The following CDKN2B-AS1 variants were observed in gnomAD, a reference collection of about 807,000 sequenced individuals.
CDKN2B-AS1 encodes the protein CDKN2B and CDKN2A antisense cis and trans regulatory RNA 1.
chr9:22,100,794 A>T (rs1274390924), intron 4 of CDKN2B-AS1, among the ~76,000 whole-genome samples: 1 of 152,200 alleles, frequency 6.6e-6, no homozygotes, highest in Non-Finnish European at 1.5e-5. Flanking sequence ...CCACTTCTCC[A>T]CATCTTTGCT....
At chr9:22,082,755 G>T (rs1824740702) in intron 4 of CDKN2B-AS1, among the ~76,000 whole-genome samples, 1 of 152,200 alleles carries the variant, frequency 6.6e-6, no homozygotes, top group Non-Finnish European at 1.5e-5. Flanking sequence ...CATGTAGAGT[G>T]AGGATACCCG....
chr9:22,004,854 TAAAGG>T (rs1473617229), intron 1 of CDKN2B-AS1: 3 of 233,120 alleles, frequency 1.3e-5, no homozygotes, highest in African/African-American at 6.6e-5. Flanking sequence ...AGACACTCTA[TAAAGG>T]AAACAATCAG....
chr9:22,004,408 C>T (rs1470396867), intron 1 of CDKN2B-AS1: 1 of 231,958 alleles, frequency 4.3e-6, no homozygotes, highest in Non-Finnish European at 8.5e-6. Flanking sequence ...TTTTCTATGG[C>T]ATAAGTAAGC....
chr9:22,006,306 C>T lies in CDKN2B-AS1; in HGVS notation n.29+11145C>T, dbSNP rs2131182455. 1 of 1,596,198 alleles carries T rather than the reference C, an allele frequency of 6.3e-7. No individual in the cohort carries two copies. Among genetic ancestry groups the T allele is most frequent in the African/African-American group, 1.3e-5 (1 of 74,970 alleles). ...TGGGGGCAGGTATGGGAGATGCCGG[C>T]CGGGGCAAGGCAGGTGGAGCCATTT... On this transcript the variant is annotated intron_variant and non_coding_transcript_variant, in intron 1 of 4. Transcript: ENST00000650946. This position sits in a 1 kb window ranked among gnomAD's most constrained non-coding sequence, Gnocchi z 6.4.
At chr9:22,126,635 C>G (rs1447604481) in intron 4 of CDKN2B-AS1, among the ~76,000 whole-genome samples, 1 of 140,506 alleles carries the variant, frequency 7.1e-6, no homozygotes, top group African/African-American at 2.8e-5. Flanking sequence ...TGCAGTGGCG[C>G]TATCTCGGCT....
chr9:22,019,904 G>A (rs1315960528), intron 1 of CDKN2B-AS1, among the ~76,000 whole-genome samples: 3 of 152,136 alleles, frequency 2.0e-5, no homozygotes, highest in Non-Finnish European at 2.9e-5. Flanking sequence ...TACATGTGCA[G>A]GTTTGTTACA....
chr9:22,117,933 C>T (rs553931875), intron 4 of CDKN2B-AS1: 19 of 152,336 alleles, frequency 1.2e-4, no homozygotes, highest in African/African-American at 4.3e-4. Context: ...ATTAGTTCCT[C>T]CTGCCAATCT....
At chr9:22,098,319 A>G (rs1027496029) in intron 4 of CDKN2B-AS1, among the ~76,000 whole-genome samples, 3 of 151,696 alleles carry the variant, frequency 2.0e-5, no homozygotes, top group Non-Finnish European at 4.4e-5. Context: ...GGGGACTATA[A>G]TATATCTTTA....
At chr9:22,030,203 T>C (rs1227472178) in intron 1 of CDKN2B-AS1, 15 of 152,204 alleles carry the variant, frequency 9.9e-5, no homozygotes, top group Admixed American at 8.5e-4. Flanking sequence ...ACATAGACAA[T>C]ACACTTCCTC....
chr9:22,123,271 G>C (rs1175296023), intron 4 of CDKN2B-AS1, among the ~76,000 whole-genome samples: 1 of 152,086 alleles, frequency 6.6e-6, no homozygotes, highest in African/African-American at 2.4e-5. Context: ...AGATTTTTCT[G>C]TATATAAAAT....
chr9:22,069,414 A>G (rs1824196786), intron 4 of CDKN2B-AS1, among the ~76,000 whole-genome samples: 1 of 152,196 alleles, frequency 6.6e-6, no homozygotes, highest in Non-Finnish European at 1.5e-5. Context: ...AACCAACTCT[A>G]TTAAAAGTAT....
Position 22,001,476 on chromosome 9 carries a change from T to G in CDKN2B-AS1, n.29+6315T>G, listed in dbSNP as rs1820916441. On this transcript the variant is annotated intron_variant and non_coding_transcript_variant, in intron 1 of 4. Transcript: ENST00000650946. This position sits in a 1 kb window ranked among gnomAD's most constrained non-coding sequence, Gnocchi z 4.2. ...TCCAGCAAACTCTTTTGTTTTACAT[T>G]TAGTTCACACCACAAATTAGTAAGT... is the stretch of plus-strand genomic sequence containing the variant. Among the ~76,000 whole-genome samples the G allele has an allele frequency of 6.6e-6, 1 of 152,180 alleles. No homozygotes were observed. Among genetic ancestry groups the G allele is most frequent in the Non-Finnish European group, 1.5e-5 (1 of 67,996 alleles).
Position 22,095,474 on chromosome 9 carries a change from C to A in CDKN2B-AS1, n.439-31629C>A, listed in dbSNP as rs1419770059. On this transcript the variant is annotated intron_variant and non_coding_transcript_variant, in intron 4 of 4. Transcript: ENST00000650946. ...GAGACAGTTTGTTATAATTTCTGTTCTTTTACATTTGCTGAGGAGTGCTTT... is the reference window on the plus strand; with the variant it reads ...GAGACAGTTTGTTATAATTTCTGTTATTTTACATTTGCTGAGGAGTGCTTT... 2.0e-5 allele frequency among the ~76,000 whole-genome samples: 3 copies of A among 148,528 alleles called. No individual in the cohort carries two copies. The East Asian group carries it at 5.8e-4, about 29-fold the overall frequency.
chr9:22,044,744 C>G (rs1025985243), intron 1 of CDKN2B-AS1, among the ~76,000 whole-genome samples: 6 of 151,294 alleles, frequency 4.0e-5, no homozygotes, highest in African/African-American at 1.5e-4. Context: ...TTCTATTCCT[C>G]TTGGTATCTG....
chr9:22,043,057 C>T (rs947638113), intron 1 of CDKN2B-AS1, among the ~76,000 whole-genome samples: 1 of 151,980 alleles, frequency 6.6e-6, no homozygotes, highest in Admixed American at 6.6e-5. Flanking sequence ...CTCTCCATCC[C>T]CCAAATTTTA....
At chr9:22,090,266 T>G (rs1225715827) in intron 4 of CDKN2B-AS1, among the ~76,000 whole-genome samples, 2 of 152,218 alleles carry the variant, frequency 1.3e-5, no homozygotes, top group Non-Finnish European at 2.9e-5. Context: ...TTTGCTATTG[T>G]CAATAGTGCC....
intron 1 of CDKN2B-AS1, among the ~76,000 whole-genome samples, chr9:22,015,414 C>T (rs1278701032): frequency 6.6e-6 from 1 of 152,146 alleles, no homozygotes; most frequent in Non-Finnish European, 1.5e-5. Flanking sequence ...AATGTAACCC[C>T]TCCAAATTCA....
chr9:22,055,228 A>G (rs1016504669), intron 3 of CDKN2B-AS1, among the ~76,000 whole-genome samples: 1 of 152,212 alleles, frequency 6.6e-6, no homozygotes, highest in African/African-American at 2.4e-5. Context: ...GGTTAAATCA[A>G]ACTAAGATAT....
Position 22,001,547 on chromosome 9 carries a change from C to T in CDKN2B-AS1, n.29+6386C>T, listed in dbSNP as rs2131168094. Among the ~76,000 whole-genome samples the T allele has an allele frequency of 6.6e-6, 1 of 152,220 alleles. No homozygotes were observed. Among genetic ancestry groups the T allele is most frequent in the African/African-American group, 2.4e-5 (1 of 41,558 alleles). On this transcript the variant is annotated intron_variant and non_coding_transcript_variant, in intron 1 of 4. Transcript: ENST00000650946. This position sits in a 1 kb window ranked among gnomAD's most constrained non-coding sequence, Gnocchi z 4.2. ...CCATACATTAATTTTCATTACTGTG[C>T]TTAATATACAATCCATGCCAATTAC...
Sources: gnomAD v4.1 joint callset for allele counts (sites outside exome capture counted in the v4.1 genomes callset) on GRCh38, gnomAD v4.1.1 for gene constraint, Gnocchi (gnomAD v3.1) non-coding constraint, MANE v1.5 for transcripts, NCBI Gene and HGNC (gene_info 2026-07-23, HGNC 2026-07-21) for gene names.